Variants in REPS2 observed in about 807,000 individuals in gnomAD.
The protein encoded by REPS2 is RALBP1 associated Eps domain containing 2.
Under a neutral mutation model 53.6 loss-of-function variants are expected in REPS2, and 23 were observed. The observed-to-expected ratio is 0.43, with a 90% confidence interval of 0.31 to 0.61. REPS2 has a LOEUF of 0.61. REPS2 is among the 20% of genes least tolerant of loss of function. The probability of loss-of-function intolerance (pLI) is 0.11; values close to 1 mark genes in which losing one functional copy is unlikely to be tolerated. For missense variants in REPS2, 446 were observed against 534.9 expected (o/e 0.83, Z 1.64); for synonymous variants, 238 against 218.6 (o/e 1.09, Z -0.78).
the REPS2 span, among the ~76,000 whole-genome samples, chrX:17,183,465 A>T: frequency 2.7e-5 from 3 of 112,608 alleles, no homozygotes; most frequent in Non-Finnish European, 3.8e-5. Flanking sequence ...AATACCAGTG[A>T]CCTAAAGTTT....
the REPS2 span, among the ~76,000 whole-genome samples, chrX:17,165,743 A>G: frequency 9.0e-6 from 1 of 111,050 alleles, no homozygotes; most frequent in Admixed American, 9.6e-5. Flanking sequence ...CAGGAGTGGT[A>G]TGAAGGGAGG....
At chrX:17,170,936 C>G in the REPS2 span, among the ~76,000 whole-genome samples, 2 of 113,002 alleles carry the variant, frequency 1.8e-5, no homozygotes, top group Non-Finnish European at 3.7e-5. Flanking sequence ...CTCTGCCCAC[C>G]TCTCTCTGCC....
the REPS2 span, among the ~76,000 whole-genome samples, chrX:17,168,241 C>T: frequency 1.8e-5 from 2 of 111,819 alleles, no homozygotes; most frequent in African/African-American, 6.5e-5. Flanking sequence ...AGGGGCCAGG[C>T]ATGGTGGCTC....
chrX:17,002,910 CT>C (rs1249998101), intron 1 of REPS2, among the ~76,000 whole-genome samples: 1 of 112,014 alleles, frequency 8.9e-6, no homozygotes, highest in Non-Finnish European at 1.9e-5. Flanking sequence ...TGCAGGAACT[CT>C]TATGGCTATA....
At chrX:17,111,067 G>A (rs1004230508) in intron 14 of REPS2, among the ~76,000 whole-genome samples, 1 of 111,622 alleles carries the variant, frequency 9.0e-6, no homozygotes, top group Non-Finnish European at 1.9e-5. Flanking sequence ...TTGTATTTTC[G>A]GATTTTGGAT....
At chrX:17,003,669 C>T (rs2061331596) in intron 1 of REPS2, among the ~76,000 whole-genome samples, 1 of 111,769 alleles carries the variant, frequency 8.9e-6, no homozygotes, top group South Asian at 3.8e-4. Context: ...ATTCTTCCAG[C>T]CCCTCCTACT....
intron 14 of REPS2, 143 bp downstream of exon 14, chrX:17,103,922 T>C (rs747547076): frequency 2.7e-5 from 15 of 547,904 alleles, no homozygotes; most frequent in Non-Finnish European, 3.9e-5. Flanking sequence ...CAGAGAGTGG[T>C]TTAATTTATT....
At chrX:17,187,495 A>T in the REPS2 span, among the ~76,000 whole-genome samples, 2 of 112,359 alleles carry the variant, frequency 1.8e-5, no homozygotes, top group East Asian at 5.6e-4. Flanking sequence ...AGCTGACTGC[A>T]GGAGAAGGGG....
At chrX:17,196,528 A>G in the REPS2 span, among the ~76,000 whole-genome samples, 1 of 111,978 alleles carries the variant, frequency 8.9e-6, no homozygotes, top group Non-Finnish European at 1.9e-5. Context: ...GTGAGGACAC[A>G]TCAAGAAAAT....
downstream of REPS2, among the ~76,000 whole-genome samples, chrX:17,157,213 C>T (rs2063620769): frequency 9.0e-6 from 1 of 111,334 alleles, no homozygotes; most frequent in East Asian, 2.8e-4. Context: ...AGGACATCAC[C>T]TTGTATTTTA....
chrX:16,979,358 A>T (rs2060994231), intron 1 of REPS2, among the ~76,000 whole-genome samples: 1 of 112,257 alleles, frequency 8.9e-6, no homozygotes, highest in African/African-American at 3.2e-5. Flanking sequence ...GCATGCCAAG[A>T]TTCATAGCCA....
intron 8 of REPS2, among the ~76,000 whole-genome samples, chrX:17,056,429 C>T (rs1326511142): frequency 8.9e-6 from 1 of 112,250 alleles, no homozygotes; most frequent in Non-Finnish European, 1.9e-5. Flanking sequence ...GTGGCTCATG[C>T]CTGTAATCCC....
the REPS2 span, among the ~76,000 whole-genome samples, chrX:17,168,883 C>T: frequency 2.7e-5 from 3 of 112,264 alleles, no homozygotes; most frequent in Non-Finnish European, 5.6e-5. Context: ...TTCTCTACCC[C>T]TTGAATCTGA....
chrX:16,952,896 C>T (rs1259236037), intron 1 of REPS2, among the ~76,000 whole-genome samples: 5 of 110,836 alleles, frequency 4.5e-5, no homozygotes, highest in African/African-American at 1.3e-4. Flanking sequence ...GAGGCCGAGG[C>T]GGGCAGATCA....
intron 1 of REPS2, chrX:16,978,706 A>T (rs2060986080): frequency 2.5e-5 from 6 of 241,730 alleles, no homozygotes; most frequent in Non-Finnish European, 3.5e-5. Context: ...TTATAAAAAG[A>T]TAAAATGGCT....
At chrX:17,164,194 T>C in the REPS2 span, among the ~76,000 whole-genome samples, 4 of 111,774 alleles carry the variant, frequency 3.6e-5, no homozygotes, top group Non-Finnish European at 5.7e-5. Context: ...ACTAAGACAA[T>C]GACTCAAAAA....
chrX:16,955,466 G>T (rs1416859592), intron 1 of REPS2, among the ~76,000 whole-genome samples: 1 of 111,990 alleles, frequency 8.9e-6, no homozygotes, highest in East Asian at 2.8e-4. Context: ...ACATGGCTCA[G>T]TTGGGTCCTC....
chrX:17,165,939 GA>G, the REPS2 span, among the ~76,000 whole-genome samples: 59 of 111,889 alleles, frequency 5.3e-4, 1 homozygote, highest in South Asian at 0.022. Flanking sequence ...TGCATTTGCT[GA>G]AATAAAGAAA....
chrX:17,174,607 C>G, the REPS2 span, among the ~76,000 whole-genome samples: 1 of 112,252 alleles, frequency 8.9e-6, no homozygotes, highest in Admixed American at 9.4e-5. Flanking sequence ...AGGAAATGGC[C>G]TGCTAGGGTC....
Sources: gnomAD v4.1 joint callset for allele counts (sites outside exome capture counted in the v4.1 genomes callset) on GRCh38, gnomAD v4.1.1 for gene constraint, MANE v1.5 for transcripts, NCBI Gene and HGNC (gene_info 2026-07-23, HGNC 2026-07-21) for gene names.